Variants in CCDC6 observed in about 807,000 individuals in gnomAD.
CCDC6 encodes coiled-coil domain-containing protein 6.
Under a neutral mutation model 56.6 loss-of-function variants are expected in CCDC6, and 20 were observed. The observed-to-expected ratio is 0.35, with a 90% CI of 0.25 to 0.51. The LOEUF is 0.51. CCDC6 is among the 20% of genes least tolerant of loss of function. The pLI is 0.95. For missense variants in CCDC6, 367 were observed against 601.1 expected (o/e 0.61, Z 4.07); for synonymous variants, 241 against 234.4 (o/e 1.03, Z -0.26).
Position 59,906,517 on chromosome 10 carries a change from G to T in CCDC6, c.-93C>A. 2 of 1,151,892 alleles carry T rather than the reference G, an allele frequency of 1.7e-6. No homozygotes were observed. Among genetic ancestry groups the T allele is most frequent in the Non-Finnish European group, 2.3e-6 (2 of 863,040 alleles). 71.4% of individuals were successfully genotyped at this position (1,151,892 alleles called of 1,614,324 possible). On this transcript the variant is annotated 5_prime_UTR_variant, in exon 1 of 9. In the 5' UTR this introduces an upstream ATG that the reference lacks. Transcript: ENST00000263102. The stretch of plus-strand genomic sequence containing the variant: ...AATGAGTGGGCGCCGGGCGAGCACA[G>T]GGGAGCGCCGAGCTGAGCGCCTGGC...
At chr10:59,796,691 G>C in intron 7 of CCDC6, among the ~76,000 whole-genome samples, 1 of 152,182 alleles carries the variant, frequency 6.6e-6, no homozygotes, top group East Asian at 1.9e-4. Flanking sequence ...GTGGAGGCCT[G>C]GAGCGGTGGC....
At chr10:59,890,614 C>G (rs550913284) in intron 1 of CCDC6, among the ~76,000 whole-genome samples, 1 of 152,160 alleles carries the variant, frequency 6.6e-6, no homozygotes, top group Non-Finnish European at 1.5e-5. Context: ...ATACTATGAT[C>G]GCTTTTTAGA....
At chr10:59,897,056 T>C (rs2071469019) in intron 1 of CCDC6, among the ~76,000 whole-genome samples, 2 of 152,166 alleles carry the variant, frequency 1.3e-5, no homozygotes, top group Admixed American at 1.3e-4. Context: ...CAGTACTCTT[T>C]GGTTAATAAA....
intron 4 of CCDC6, 40 bp downstream of exon 4, chr10:59,814,612 A>G: frequency 8.1e-7 from 1 of 1,229,280 alleles, no homozygotes; most frequent in Non-Finnish European, 1.2e-6. Flanking sequence ...ACACACACAC[A>G]CACACACACA....
chr10:59,815,499 C>T (rs1367152713), intron 3 of CCDC6, among the ~76,000 whole-genome samples: 1 of 152,106 alleles, frequency 6.6e-6, no homozygotes, highest in Non-Finnish European at 1.5e-5. Context: ...AATTTCTGCC[C>T]TCATGGATCT....
chr10:59,800,628 A>T (rs1368815341), intron 7 of CCDC6, among the ~76,000 whole-genome samples: 2 of 115,366 alleles, frequency 1.7e-5, no homozygotes, highest in Non-Finnish European at 1.8e-5. Context: ...TTTTTTTTTT[A>T]AACCTGCTTC....
chr10:59,824,296 C>T (rs2132638814), intron 3 of CCDC6, among the ~76,000 whole-genome samples: 1 of 152,278 alleles, frequency 6.6e-6, no homozygotes, highest in South Asian at 2.1e-4. Context: ...TTGGCTTCAT[C>T]ACATCCCAAA....
At chr10:59,832,712 C>A in intron 2 of CCDC6, 59 bp from the exon 3 acceptor site, 1 of 1,568,038 alleles carries the variant, frequency 6.4e-7, no homozygotes, top group Non-Finnish European at 8.7e-7. Context: ...CATGGAAACA[C>A]TGGCTCCAAA....
At chr10:59,848,944 G>T (rs113476915) in intron 2 of CCDC6, among the ~76,000 whole-genome samples, 6,539 of 152,106 alleles carry the variant, frequency 0.043, 215 homozygotes, top group African/African-American at 0.079. Flanking sequence ...TGAACTCCTG[G>T]CATCAAAGTG....
chr10:59,869,141 C>T (rs912689361), intron 1 of CCDC6, among the ~76,000 whole-genome samples: 4 of 151,878 alleles, frequency 2.6e-5, no homozygotes, highest in South Asian at 2.1e-4. Context: ...ATCCCTACCA[C>T]GCCCTAATGA....
In CCDC6 at chr10:59,888,022, A is replaced by G. The variant is rs757364781; in HGVS notation, c.303+18100T>C. ...TCCCACAGACTTGCCGTGAGACTCAAATGAAATAATTTAGCTGAAACCACT... is the reference window on the plus strand; with the variant it reads ...TCCCACAGACTTGCCGTGAGACTCAGATGAAATAATTTAGCTGAAACCACT... On this transcript the variant is annotated intron_variant, in intron 1 of 8. Transcript: ENST00000263102. Among the ~76,000 whole-genome samples the G allele has an allele frequency of 1.1e-3, 166 of 152,300 alleles. 2 individuals carry two copies. Among genetic ancestry groups the G allele is most frequent in the Non-Finnish European group, 4.9e-4 (33 of 68,030 alleles).
intron 1 of CCDC6, among the ~76,000 whole-genome samples, chr10:59,864,837 T>C (rs537709585): frequency 1.4e-4 from 21 of 152,150 alleles, no homozygotes; most frequent in African/African-American, 5.1e-4. Flanking sequence ...ATGCATGATA[T>C]ATAAAAAAGA....
At position 59,812,703 on chromosome 10, in the gene CCDC6, C is replaced by T. The variant is rs1316774971; in HGVS notation, c.779G>A (p.Arg260His). The change falls in exon 5 of 9, where the codon CGT becomes CAT. Residue 260 changes from arginine to histidine, a missense_variant. This residue lies in a region of CCDC6 where 81 missense variants were observed against 150.8 expected (regional missense o/e 0.54). Coordinates refer to ENST00000263102, the MANE Select transcript of CCDC6 (RefSeq NM_005436.5). ...TTCATTCTTTAAAAACCTGATGTGA[C>T]GCATCATATTTTCTGGAGAATCAAT... ...MEIDSPENMM[R>H]HIRFLKNEVE... The T allele has an allele frequency of 1.1e-5, 18 of 1,612,720 alleles. No individual in the cohort carries two copies. Among genetic ancestry groups the T allele is most frequent in the East Asian group, 2.2e-5 (1 of 44,886 alleles).
At chr10:59,847,915 T>C (rs2071006785) in intron 2 of CCDC6, among the ~76,000 whole-genome samples, 1 of 149,998 alleles carries the variant, frequency 6.7e-6, no homozygotes, top group Non-Finnish European at 1.5e-5. Context: ...GGGAGTGGAG[T>C]TGATTCCCCC....
At chr10:59,869,422 G>GAAAAA (rs2071208145) in intron 1 of CCDC6, among the ~76,000 whole-genome samples, 1 of 39,442 alleles carries the variant, frequency 2.5e-5, no homozygotes, top group Non-Finnish European at 4.8e-5. Context: ...AAAAAAAACA[G>GAAAAA]AAAAAAGAAA....
intron 3 of CCDC6, among the ~76,000 whole-genome samples, chr10:59,820,731 G>A (rs2070743285): frequency 6.6e-6 from 1 of 151,434 alleles, no homozygotes; most frequent in Non-Finnish European, 1.5e-5. Context: ...CTGGGTGTCA[G>A]AGCAAGACTC....
intron 5 of CCDC6, among the ~76,000 whole-genome samples, chr10:59,809,320 G>A (rs1410797137): frequency 2.0e-5 from 3 of 152,146 alleles, no homozygotes; most frequent in Non-Finnish European, 4.4e-5. Context: ...AGAGAACATT[G>A]TCTTTCAAAG....
intron 1 of CCDC6, among the ~76,000 whole-genome samples, chr10:59,874,960 T>C (rs1052568854): frequency 1.3e-5 from 2 of 152,246 alleles, no homozygotes; most frequent in African/African-American, 4.8e-5. Context: ...GATAAATCTA[T>C]GTTACTTCAG....
intron 5 of CCDC6, among the ~76,000 whole-genome samples, chr10:59,808,369 C>T (rs1278306004): frequency 6.6e-6 from 1 of 152,188 alleles, no homozygotes; most frequent in African/African-American, 2.4e-5. Context: ...GCATACTCCA[C>T]AACCTTCCAA....
Sources: gnomAD v4.1 joint callset for allele counts (sites outside exome capture counted in the v4.1 genomes callset) on GRCh38, gnomAD v4.1.1 for gene constraint, gnomAD v4.1.1 regional missense constraint, MANE v1.5 for transcripts, NCBI Gene and HGNC (gene_info 2026-07-23, HGNC 2026-07-21) for gene names.